MTSS1: variants seen among roughly 807,000 people sequenced by gnomAD.
MTSS1 encodes protein MTSS 1.
MTSS1 carries 18 observed loss-of-function variants against 79.0 expected under a neutral mutation model. The ratio of observed to expected loss-of-function variants is 0.23; its 90% confidence interval spans 0.16 to 0.34. The LOEUF (loss-of-function observed/expected upper bound fraction) is 0.34. Ranked by LOEUF, MTSS1 falls within the 10% of genes least tolerant of loss-of-function variation. MTSS1 has a pLI of 1.00. For synonymous variants in MTSS1, 341 were observed against 368.6 expected, an observed-to-expected ratio of 0.93 and a Z score of 0.86; for missense variants, 815 against 986.2, an observed-to-expected ratio of 0.83 and a Z score of 2.33.
intron 3 of MTSS1, among the ~76,000 whole-genome samples, chr8:124,641,441 T>C (rs901141992): frequency 2.6e-5 from 4 of 152,240 alleles, no homozygotes; most frequent in Admixed American, 6.5e-5. Flanking sequence ...ATTCCTTTGT[T>C]TGAAACGTAC....
intron 3 of MTSS1, among the ~76,000 whole-genome samples, chr8:124,607,699 C>T (rs1835112939): frequency 1.3e-5 from 2 of 152,102 alleles, no homozygotes; most frequent in African/African-American, 4.8e-5. Flanking sequence ...GCTCCCAAAT[C>T]GAGTCTCAGG....
rs185307595 is a variant in MTSS1 at position 124,689,386 on chromosome 8, C to T, written c.208+10140G>A. 5.8e-3 allele frequency among the ~76,000 whole-genome samples: 886 copies of T among 151,826 alleles called. 14 individuals are homozygous for T. The highest frequency in any genetic ancestry group is 0.021 in the African/African-American group (853 of 41,378). ...GATGGTTATTTTTATCTAAGATGGG[C>T]AGAGCAGACCAAACCAAGTTCATAG... is the stretch of plus-strand genomic sequence containing the variant. On this transcript the variant is annotated intron_variant, in intron 3 of 13. Coordinates refer to ENST00000518547, the MANE Select transcript of MTSS1 (RefSeq NM_014751.6).
intron 6 of MTSS1, among the ~76,000 whole-genome samples, chr8:124,576,459 T>C (rs1051317179): frequency 5.3e-5 from 8 of 152,256 alleles, no homozygotes; most frequent in South Asian, 2.1e-4. Flanking sequence ...AGTCAGAGAA[T>C]TGATGTTGGA....
chr8:124,653,549 C>G (rs1216407368), intron 3 of MTSS1, among the ~76,000 whole-genome samples: 1 of 152,102 alleles, frequency 6.6e-6, no homozygotes, highest in Non-Finnish European at 1.5e-5. Context: ...CATGGTGAAA[C>G]CCCATCTCTA....
rs370710469 is a variant in MTSS1 at position 124,722,182 on chromosome 8, A to T, written c.72+5702T>A. Reference sequence around the variant, plus strand: ...AAAGAAAAACAACTTAGAACCTATGACCAAGGCCAGATACGCCAAGAGGCA... The same window carrying T: ...AAAGAAAAACAACTTAGAACCTATGTCCAAGGCCAGATACGCCAAGAGGCA... On this transcript the variant is annotated intron_variant, in intron 1 of 13. Transcript: ENST00000518547. Among the ~76,000 whole-genome samples the T allele has an allele frequency of 3.9e-5, 6 of 152,282 alleles. No homozygotes were observed. The East Asian group carries it at 5.8e-4, about 15-fold the overall frequency.
intron 3 of MTSS1, among the ~76,000 whole-genome samples, chr8:124,653,800 C>A (rs181569101): frequency 6.6e-6 from 1 of 152,280 alleles, no homozygotes; most frequent in African/African-American, 2.4e-5. Flanking sequence ...AAAATATCTC[C>A]CTTTTCCCCC....
chr8:124,678,760 T>G (rs1825698711), intron 3 of MTSS1, among the ~76,000 whole-genome samples: 1 of 152,134 alleles, frequency 6.6e-6, no homozygotes, highest in African/African-American at 2.4e-5. Context: ...TAATTCATCC[T>G]CTCATTCAAC....
intron 3 of MTSS1, among the ~76,000 whole-genome samples, chr8:124,696,662 C>T (rs1201169645): frequency 6.6e-6 from 1 of 151,988 alleles, no homozygotes; most frequent in African/African-American, 2.4e-5. Flanking sequence ...ACCAGTCTGG[C>T]CAACATGACG....
chr8:124,616,979 C>A (rs1296724424), intron 3 of MTSS1, among the ~76,000 whole-genome samples: 2 of 152,166 alleles, frequency 1.3e-5, no homozygotes, highest in Non-Finnish European at 2.9e-5. Flanking sequence ...GAACTTTGGC[C>A]TGCCACAAAT....
intron 4 of MTSS1, 95 bp downstream of exon 4, chr8:124,591,056 T>C (rs1477034657): frequency 2.0e-6 from 2 of 1,023,808 alleles, no homozygotes; most frequent in African/African-American, 1.6e-5. Context: ...TCAGACAGAT[T>C]GTGGGGATTT....
chr8:124,714,249 A>G (rs1295744112), intron 1 of MTSS1, among the ~76,000 whole-genome samples: 1 of 152,176 alleles, frequency 6.6e-6, no homozygotes, highest in Non-Finnish European at 1.5e-5. Flanking sequence ...GCTGTATTCG[A>G]GAGTACAGAG....
At chr8:124,692,028 GA>G (rs1828021625) in intron 3 of MTSS1, among the ~76,000 whole-genome samples, 1 of 149,344 alleles carries the variant, frequency 6.7e-6, no homozygotes, top group Admixed American at 6.7e-5. Flanking sequence ...CAATTACCCT[GA>G]TTTTTTTTTT....
chr8:124,564,563 G>A (rs1825961239), intron 9 of MTSS1, among the ~76,000 whole-genome samples: 1 of 152,136 alleles, frequency 6.6e-6, no homozygotes, highest in South Asian at 2.1e-4. Context: ...CCTCAGAGTT[G>A]CAGATGTCAG....
chr8:124,644,485 G>A (rs1804662907), intron 3 of MTSS1, among the ~76,000 whole-genome samples: 1 of 152,236 alleles, frequency 6.6e-6, no homozygotes. Context: ...GTTCTGAGCT[G>A]TCTGATTTTC....
chr8:124,627,775 T>C (rs1010948588), intron 3 of MTSS1, among the ~76,000 whole-genome samples: 1 of 152,182 alleles, frequency 6.6e-6, no homozygotes, highest in East Asian at 1.9e-4. Context: ...CCACAGGCCA[T>C]AGGGAGTCCG....
chr8:124,703,134 A>T (rs1829932687), intron 2 of MTSS1, among the ~76,000 whole-genome samples: 1 of 152,008 alleles, frequency 6.6e-6, no homozygotes, highest in Non-Finnish European at 1.5e-5. Flanking sequence ...GAACATTTCC[A>T]CCACCCCAAA....
chr8:124,606,164 G>GTTTT (rs199611609), intron 3 of MTSS1, among the ~76,000 whole-genome samples: 15 of 106,054 alleles, frequency 1.4e-4, no homozygotes, highest in African/African-American at 2.2e-4. Context: ...TCTGTGTTTG[G>GTTTT]TTTTTTGTTT....
chr8:124,604,113 T>C (rs1834388478), intron 3 of MTSS1, among the ~76,000 whole-genome samples: 2 of 152,004 alleles, frequency 1.3e-5, no homozygotes, highest in Admixed American at 6.6e-5. Flanking sequence ...CTCAGGAAGC[T>C]GAGGCAGGAA....
chr8:124,582,409 C>CGTGT lies in MTSS1; in HGVS notation c.460+2674_460+2677dup, dbSNP rs760136031. On this transcript the variant is annotated intron_variant, in intron 6 of 13. Coordinates refer to ENST00000518547, the MANE Select transcript of MTSS1 (RefSeq NM_014751.6). This position sits in a 1 kb window ranked among gnomAD's most constrained non-coding sequence, Gnocchi z 4.8. ...GTGAGCCGCTCACAAAAATCACATC[C>CGTGT]GTGTGTGTCTGCCCACGTCAAGGAT... Among the ~76,000 whole-genome samples the CGTGT allele has an allele frequency of 5.2e-4, 79 of 152,232 alleles. No homozygotes were observed. The highest frequency in any genetic ancestry group is 7.9e-4 in the Non-Finnish European group (54 of 68,018).
Sources: allele counts gnomAD v4.1 joint callset (sites outside exome capture counted in the v4.1 genomes callset), GRCh38; gene constraint gnomAD v4.1.1; non-coding constraint Gnocchi (gnomAD v3.1); transcripts MANE v1.5; gene names NCBI Gene and HGNC (gene_info 2026-07-23, HGNC 2026-07-21).